TTC28: variants seen among roughly 807,000 people sequenced by gnomAD.
TTC28 encodes tetratricopeptide repeat protein 28.
TTC28 carries 61 observed loss-of-function variants against 198.0 expected under a neutral mutation model. The observed-to-expected ratio is 0.31, with a 90% confidence interval of 0.25 to 0.38. The LOEUF is 0.38. TTC28 is among the 10% of genes least tolerant of loss of function. The pLI is 1.00. For missense variants in TTC28, 2,678 were observed against 3,164.0 expected (o/e 0.85, Z 3.69); for synonymous variants, 1,171 against 1,297.8 (o/e 0.90, Z 2.10).
chr22:28,464,038 T>G (rs956932808), intron 2 of TTC28, among the ~76,000 whole-genome samples: 2 of 152,186 alleles, frequency 1.3e-5, no homozygotes, highest in Non-Finnish European at 2.9e-5. Context: ...TTTGGATACC[T>G]GCCAATGTCA....
intron 2 of TTC28, among the ~76,000 whole-genome samples, chr22:28,407,607 TG>T (rs2047018259): frequency 6.6e-6 from 1 of 152,226 alleles, no homozygotes; most frequent in African/African-American, 2.4e-5. Context: ...ATTGCTTCAC[TG>T]CCTGATTAAA....
intron 12 of TTC28, among the ~76,000 whole-genome samples, chr22:28,082,851 TC>T (rs1941414979): frequency 6.6e-6 from 1 of 152,168 alleles, no homozygotes. Context: ...TTGGTAGAAT[TC>T]CCCAGTGAAT....
chr22:28,080,035 C>T (rs995616932), intron 12 of TTC28, among the ~76,000 whole-genome samples: 1 of 152,166 alleles, frequency 6.6e-6, no homozygotes, highest in Non-Finnish European at 1.5e-5. Flanking sequence ...AGCTGATTTT[C>T]TTCTTTTTTA....
chr22:28,345,529 C>G (rs1441109463), intron 2 of TTC28, among the ~76,000 whole-genome samples: 2 of 152,170 alleles, frequency 1.3e-5, no homozygotes, highest in Non-Finnish European at 2.9e-5. Context: ...TCTGCCTGAG[C>G]TTGCTCACAG....
At chr22:28,094,792 C>CA (rs954355767) in intron 11 of TTC28, among the ~76,000 whole-genome samples, 3 of 151,912 alleles carry the variant, frequency 2.0e-5, no homozygotes, top group Non-Finnish European at 4.4e-5. Context: ...ATTAAAGGAG[C>CA]AAAAAATGAT....
At chr22:28,340,014 T>C (rs2045803779) in intron 2 of TTC28, among the ~76,000 whole-genome samples, 2 of 152,198 alleles carry the variant, frequency 1.3e-5, no homozygotes, top group Non-Finnish European at 2.9e-5. Context: ...GAGCTGTTCC[T>C]ATTCGGCCAT....
chr22:28,651,902 G>C (rs2051570104), intron 1 of TTC28, among the ~76,000 whole-genome samples: 1 of 151,262 alleles, frequency 6.6e-6, no homozygotes, highest in Admixed American at 6.6e-5. Flanking sequence ...TGCAACGGCT[G>C]GGTCTTGGCT....
chr22:28,371,598 A>ATTTTTTTTTTTTTTTTTTT lies in TTC28; in HGVS notation c.382-64956_382-64955insAAAAAAAAAAAAAAAAAAA, dbSNP rs1409625873. 9.6e-3 allele frequency among the ~76,000 whole-genome samples: 266 copies of ATTTTTTTTTTTTTTTTTTT among 27,760 alleles called. 94 individuals carry two copies. Among genetic ancestry groups the ATTTTTTTTTTTTTTTTTTT allele is most frequent in the East Asian group, 0.031 (20 of 638 alleles). The allele number at this position is 27,760 out of a possible 152,430, so 18.2% of individuals were successfully genotyped here. A position where few individuals can be genotyped will look rare whatever the true frequency, so the allele number is the denominator to read the frequency against. On this transcript the variant is annotated intron_variant, in intron 2 of 22. Transcript: ENST00000397906. ...ATCTTAACCAAAAAAAAAAAAAAAA[A>ATTTTTTTTTTTTTTTTTTT]TTTTTTTTTTTTTTGAGACAGAGTC...
intron 2 of TTC28, among the ~76,000 whole-genome samples, chr22:28,548,895 C>T (rs2049599930): frequency 6.6e-6 from 1 of 152,208 alleles, no homozygotes; most frequent in Admixed American, 6.5e-5. Context: ...TCAAGTCCCA[C>T]ATTCTTTAAG....
chr22:28,565,450 A>T (rs942726973), intron 2 of TTC28, among the ~76,000 whole-genome samples: 2 of 152,202 alleles, frequency 1.3e-5, no homozygotes, highest in Non-Finnish European at 2.9e-5. Flanking sequence ...ATATTCACAT[A>T]ATCCATCTTT....
At chr22:28,319,929 G>A (rs181206256) in intron 2 of TTC28, among the ~76,000 whole-genome samples, 1 of 152,300 alleles carries the variant, frequency 6.6e-6, no homozygotes, top group Non-Finnish European at 1.5e-5. Flanking sequence ...CTTTCTGGAA[G>A]GAGTATATAG....
chr22:28,364,285 C>T (rs1000888988), intron 2 of TTC28, among the ~76,000 whole-genome samples: 1 of 152,140 alleles, frequency 6.6e-6, no homozygotes, highest in African/African-American at 2.4e-5. Context: ...TTGCCTGCTG[C>T]CATCCATGTA....
intron 2 of TTC28, among the ~76,000 whole-genome samples, chr22:28,602,795 G>A (rs2050661734): frequency 6.6e-6 from 1 of 152,012 alleles, no homozygotes; most frequent in East Asian, 1.9e-4. Flanking sequence ...AAATAAGAAG[G>A]TAAAAAATAA....
intron 2 of TTC28, among the ~76,000 whole-genome samples, chr22:28,603,926 C>A (rs1333269432): frequency 6.6e-6 from 1 of 151,976 alleles, no homozygotes; most frequent in Non-Finnish European, 1.5e-5. Context: ...CCAAAAGAGA[C>A]TAATTTTATT....
chr22:28,006,757 G>GACCAATCAGA (rs1157680486), intron 14 of TTC28: 1 of 152,260 alleles, frequency 6.6e-6, no homozygotes, highest in African/African-American at 2.4e-5. Flanking sequence ...GGTGAATTCT[G>GACCAATCAGA]ATTGGATTGC....
At chr22:28,319,488 TA>T in intron 2 of TTC28, among the ~76,000 whole-genome samples, 1 of 152,338 alleles carries the variant, frequency 6.6e-6, no homozygotes, top group East Asian at 1.9e-4. Flanking sequence ...CTATAATTTT[TA>T]TATTAAGATA....
At chr22:28,494,950 GC>G (rs1454242548) in intron 2 of TTC28, among the ~76,000 whole-genome samples, 3 of 151,646 alleles carry the variant, frequency 2.0e-5, no homozygotes, top group Non-Finnish European at 4.4e-5. Flanking sequence ...CAATCAAAGA[GC>G]AAAAATTTTA....
intron 2 of TTC28, among the ~76,000 whole-genome samples, chr22:28,490,358 G>A (rs565315830): frequency 1.3e-5 from 2 of 152,224 alleles, no homozygotes; most frequent in Non-Finnish European, 2.9e-5. Flanking sequence ...CTGCTCTGTA[G>A]TCGTCATTCA....
chr22:28,611,507 T>TTTAA (rs760803835), intron 2 of TTC28, among the ~76,000 whole-genome samples: 13,474 of 96,530 alleles, frequency 0.14, 724 homozygotes, highest in African/African-American at 0.19. Flanking sequence ...TTTTTTTAAT[T>TTTAA]TTTTTTTTTT....
Sources: allele counts gnomAD v4.1 joint callset (sites outside exome capture counted in the v4.1 genomes callset), GRCh38; gene constraint gnomAD v4.1.1; transcripts MANE v1.5; gene names NCBI Gene and HGNC (gene_info 2026-07-23, HGNC 2026-07-21).